Variants in SHE observed in about 807,000 individuals in gnomAD.
SHE encodes Src homology 2 domain containing E, also known as SH2 domain-containing adapter protein E.
In SHE, 11 loss-of-function variants were observed where a neutral mutation model predicts 49.8. That is an observed-to-expected ratio of 0.22 (90% CI 0.14 to 0.37). The LOEUF is 0.37. SHE is among the 10% of genes least tolerant of loss of function. The pLI is 1.00. For synonymous variants in SHE, 310 were observed against 278.1 expected, an observed-to-expected ratio of 1.11 and a Z score of -1.14; for missense variants, 624 against 655.5, an observed-to-expected ratio of 0.95 and a Z score of 0.52.
Position 154,483,211 on chromosome 1 carries a change from A to T in SHE, c.*938T>A. ...TTTATGCTTATCTCACTGATTTGCT[A>T]AAAAATGAGAAAATCCACAGAGATT... On this transcript the variant is annotated 3_prime_UTR_variant, in exon 6 of 6. Transcript: ENST00000304760. 6 of 985,386 alleles carry T rather than the reference A, an allele frequency of 6.1e-6. No homozygotes were observed. The highest frequency in any genetic ancestry group is 7.2e-6 in the Non-Finnish European group (6 of 829,926). 61.0% of individuals were successfully genotyped at this position (985,386 alleles called of 1,614,324 possible).
At chr1:154,497,522 A>C (rs1166101418) in intron 2 of SHE, among the ~76,000 whole-genome samples, 1 of 152,276 alleles carries the variant, frequency 6.6e-6, no homozygotes, top group Non-Finnish European at 1.5e-5. Context: ...TCAACTTAAG[A>C]GAATTATGAC....
chr1:154,483,763 G>A lies in SHE; in HGVS notation c.*386C>T, dbSNP rs1292068363. 26 of 1,001,498 alleles carry A rather than the reference G, an allele frequency of 2.6e-5. No individual in the cohort carries two copies. Among genetic ancestry groups the A allele is most frequent in the Non-Finnish European group, 2.8e-5 (23 of 835,634 alleles). 62.0% of individuals were successfully genotyped at this position (1,001,498 alleles called of 1,614,324 possible). ...TCCAGGCACTCGGGGAGACTGAGGT[G>A]GGTGGATCATTTGAGGTCAGGAGTT... On this transcript the variant is annotated 3_prime_UTR_variant, in exon 6 of 6. Coordinates refer to ENST00000304760, the MANE Select transcript of SHE (RefSeq NM_001010846.3).
downstream of SHE, among the ~76,000 whole-genome samples, chr1:154,475,112 A>G (rs1691845844): frequency 6.7e-6 from 1 of 149,592 alleles, no homozygotes. Context: ...CCGGGGGTAC[A>G]GGGGAGGGCT....
intron 1 of SHE, among the ~76,000 whole-genome samples, chr1:154,499,817 G>A (rs1041848322): frequency 2.6e-5 from 4 of 152,156 alleles, no homozygotes; most frequent in African/African-American, 9.7e-5. Context: ...GGTGTTCTAC[G>A]TTCAATAATT....
Position 154,501,591 on chromosome 1 carries a change from T to C in SHE, c.436A>G (p.Arg146Gly). ...TCCTGAGTGTCCACCTTGATGAGCC[T>C]GTTGATGTAGGTGCTGCAGCCCGAG... Reference protein sequence around the residue: ...KSSGCSTYINRLIKVDTQEKN... With the variant: ...KSSGCSTYINGLIKVDTQEKN... Residue 146 changes from arginine (R) to glycine (G), a missense_variant, in exon 1 of 6, where the codon AGG (arginine) becomes GGG (glycine). Coordinates refer to ENST00000304760, the MANE Select transcript of SHE (RefSeq NM_001010846.3). 2 of 1,614,156 alleles carry C rather than the reference T, an allele frequency of 1.2e-6. No individual in the cohort carries two copies. Among genetic ancestry groups the C allele is most frequent in the Non-Finnish European group, 1.7e-6 (2 of 1,180,022 alleles).
chr1:154,494,396 T>TA (rs1553192055), intron 2 of SHE, among the ~76,000 whole-genome samples: 1 of 149,010 alleles, frequency 6.7e-6, no homozygotes, highest in East Asian at 1.9e-4. Flanking sequence ...TTTTTTTTTT[T>TA]AGAGATGGGG....
intron 4 of SHE, 119 bp from the exon 5 acceptor site, chr1:154,486,181 G>C (rs1692176070): frequency 7.4e-7 from 1 of 1,347,172 alleles, no homozygotes; most frequent in Non-Finnish European, 1.0e-6. Context: ...GCAACAGCCT[G>C]AACTAGATCC....
rs1415933172 is a variant in SHE at position 154,482,928 on chromosome 1, A to G, written c.*1221T>C. ...TTTTTAAAAAATTTACTACAAAGCA[A>G]ATCTAATTTTAGAGACAAAAATTAA... On this transcript the variant is annotated 3_prime_UTR_variant, in exon 6 of 6. Transcript: ENST00000304760. 3 of 984,936 alleles carry G rather than the reference A, an allele frequency of 3.0e-6. No homozygotes were observed. Among genetic ancestry groups the G allele is most frequent in the Non-Finnish European group, 3.6e-6 (3 of 829,624 alleles). 61.0% of individuals were successfully genotyped at this position (984,936 alleles called of 1,614,324 possible). A position where few individuals can be genotyped will look rare whatever the true frequency, so the allele number is the denominator to read the frequency against.
At position 154,482,180 on chromosome 1, in the gene SHE, A is replaced by AT; in HGVS notation, c.*1968dup. The AT allele has an allele frequency of 3.0e-6, 1 of 332,672 alleles. No individual in the cohort carries two copies. Among genetic ancestry groups the AT allele is most frequent in the Non-Finnish European group, 4.3e-6 (1 of 233,736 alleles). 20.6% of individuals were successfully genotyped at this position (332,672 alleles called of 1,614,324 possible). On this transcript the variant is annotated 3_prime_UTR_variant, in exon 6 of 6. Transcript: ENST00000304760. ...AGGTGCCCGCCACCGTGCCCAGCTA[A>AT]TTTTTGTATTTTTACTACAGACAGG...
chr1:154,496,127 C>T (rs1008741549), intron 2 of SHE, among the ~76,000 whole-genome samples: 3 of 152,078 alleles, frequency 2.0e-5, no homozygotes, highest in African/African-American at 7.2e-5. Context: ...TTATTCTGTC[C>T]AGCTTGTAAC....
At chr1:154,500,172 C>T (rs1399629036) in intron 1 of SHE, among the ~76,000 whole-genome samples, 1 of 152,200 alleles carries the variant, frequency 6.6e-6, no homozygotes, top group Non-Finnish European at 1.5e-5. Context: ...TAAAAATAAC[C>T]AGACAACCAC....
intron 3 of SHE, among the ~76,000 whole-genome samples, chr1:154,488,839 C>T (rs1054275320): frequency 5.3e-5 from 8 of 152,230 alleles, no homozygotes; most frequent in African/African-American, 1.9e-4. Flanking sequence ...CGCCTGCCTT[C>T]TCCTAAAGTG....
At chr1:154,477,570 A>C (rs986097366), downstream of SHE, among the ~76,000 whole-genome samples, 7 of 152,108 alleles carry the variant, frequency 4.6e-5, no homozygotes, top group African/African-American at 1.7e-4. Flanking sequence ...TTGTGCACCC[A>C]ATCTCCAGGA....
chr1:154,482,608 C>T lies in SHE; in HGVS notation c.*1541G>A, dbSNP rs987016593. On this transcript the variant is annotated 3_prime_UTR_variant, in exon 6 of 6. Coordinates refer to ENST00000304760, the MANE Select transcript of SHE (RefSeq NM_001010846.3). Reference sequence around the variant, plus strand: ...GCAGTTTTGAGACCCAAATGACCAACCCCAGAATACAGACACATCTGCTGA... The same window carrying T: ...GCAGTTTTGAGACCCAAATGACCAATCCCAGAATACAGACACATCTGCTGA... 1.0e-6 allele frequency: 1 copy of T among 985,278 alleles called. No homozygotes were observed. The highest frequency in any genetic ancestry group is 1.2e-6 in the Non-Finnish European group (1 of 829,954). The allele number at this position is 985,278 out of a possible 1,614,324, so 61.0% of individuals were successfully genotyped here.
At chr1:154,472,130 CA>C (rs57013173) in intron 1 of SHE, among the ~76,000 whole-genome samples, 197 of 150,500 alleles carry the variant, frequency 1.3e-3, no homozygotes, top group African/African-American at 3.4e-3. Context: ...CACTCTGTCT[CA>C]AAAAAAAAAA....
chr1:154,491,838 C>T (rs1476943812), intron 2 of SHE, among the ~76,000 whole-genome samples: 2 of 152,024 alleles, frequency 1.3e-5, no homozygotes, highest in African/African-American at 4.8e-5. Context: ...AAAAGGACGG[C>T]AGATTGAAAA....
chr1:154,501,832 C>T lies in SHE; in HGVS notation c.195G>A (p.Leu65=). The T allele has an allele frequency of 1.9e-6, 3 of 1,547,212 alleles. No homozygotes were observed. Among genetic ancestry groups the T allele is most frequent in the South Asian group, 1.2e-5 (1 of 85,316 alleles). Residue 65 remains leucine, a synonymous_variant, in exon 1 of 6, where the codon TTG becomes TTA. Coordinates refer to ENST00000304760, the MANE Select transcript of SHE (RefSeq NM_001010846.3). ...CGCCGCCCGCCTCCGAGTTCTTGCG[C>T]AATTTGCCGCCGCCGCCCCCGGGCT... is the stretch of plus-strand genomic sequence containing the variant. ...RAKPGGGGGK[L]RKNSEAGGAG...
In SHE at chr1:154,481,527, A is replaced by G. The variant is rs151116142; in HGVS notation, c.*2622T>C. 5.0e-4 allele frequency: 492 copies of G among 985,460 alleles called. 4 individuals carry two copies. In the African/African-American group the frequency reaches 7.9e-3, roughly 16 times the overall value. The allele number at this position is 985,460 out of a possible 1,614,324, so 61.0% of individuals were successfully genotyped here. A position where few individuals can be genotyped will look rare whatever the true frequency, so the allele number is the denominator to read the frequency against. ...CCTGTTTTCAAGATGTTATTTCATTATACATTCATCACAGTTGCTGGGTAT... is the reference window on the plus strand; with the variant it reads ...CCTGTTTTCAAGATGTTATTTCATTGTACATTCATCACAGTTGCTGGGTAT... On this transcript the variant is annotated 3_prime_UTR_variant, in exon 6 of 6. Coordinates refer to ENST00000304760, the MANE Select transcript of SHE (RefSeq NM_001010846.3).
chr1:154,475,846 G>A (rs1235473463), downstream of SHE, among the ~76,000 whole-genome samples: 1 of 152,060 alleles, frequency 6.6e-6, no homozygotes, highest in Non-Finnish European at 1.5e-5. Flanking sequence ...CACAATCTCA[G>A]CTAACTGCAA....
Sources: allele counts gnomAD v4.1 joint callset (sites outside exome capture counted in the v4.1 genomes callset), GRCh38; gene constraint gnomAD v4.1.1; transcripts MANE v1.5; gene names NCBI Gene and HGNC (gene_info 2026-07-23, HGNC 2026-07-21).